Variants in ADGRB3 observed in about 807,000 individuals in gnomAD.
ADGRB3 encodes brain-specific angiogenesis inhibitor 3.
In ADGRB3, 37 loss-of-function variants were observed where a neutral mutation model predicts 193.4. The observed-to-expected ratio is 0.19, with a 90% CI of 0.15 to 0.25. The LOEUF (loss-of-function observed/expected upper bound fraction) is 0.25, where lower values mean the gene tolerates loss of function less well. Among genes scored for constraint, ADGRB3 ranks in the 10% least tolerant of loss-of-function variants. The probability of loss-of-function intolerance (pLI) is 1.00; values close to 1 mark genes in which losing one functional copy is unlikely to be tolerated. For missense variants in ADGRB3, 1,637 were observed against 1,852.9 expected (o/e 0.88, Z 2.14); for synonymous variants, 690 against 644.2 (o/e 1.07, Z -1.08).
At chr6:68,688,662 C>T (rs1432273771) in intron 3 of ADGRB3, among the ~76,000 whole-genome samples, 1 of 152,098 alleles carries the variant, frequency 6.6e-6, no homozygotes, top group Non-Finnish European at 1.5e-5. Flanking sequence ...GTAAATTTTA[C>T]AAAAATGAAT....
At position 69,388,708 on chromosome 6, in the gene ADGRB3, C is replaced by G. The variant is rs1359766044; in HGVS notation, c.4386C>G (p.Asn1462Lys). 1 of 1,612,294 alleles carries G rather than the reference C, an allele frequency of 6.2e-7. No individual in the cohort carries two copies. Among genetic ancestry groups the G allele is most frequent in the Non-Finnish European group, 8.5e-7 (1 of 1,179,156 alleles). ...TTTCCCTCTCTTCTCAACAGGAAAA[C>G]CCCGCACCAAACAAGAATCCATGGG... ...RDIPNTSSME[N>K]PAPNKNPWDT... Residue 1462 changes from asparagine (N) to lysine (K), a missense_variant, in exon 32 of 32, where the codon AAC becomes AAG. This residue lies in a region of ADGRB3 where 368 missense variants were observed against 367.4 expected (regional missense o/e 1.00). Transcript: ENST00000370598.
At chr6:68,911,879 G>GTT (rs543460047) in intron 3 of ADGRB3, among the ~76,000 whole-genome samples, 4 of 129,718 alleles carry the variant, frequency 3.1e-5, no homozygotes, top group Middle Eastern at 3.7e-3. Flanking sequence ...AGTTGTTTCT[G>GTT]TTTTTTTTTT....
intron 17 of ADGRB3, among the ~76,000 whole-genome samples, chr6:69,219,461 G>GTATATATATATATATATATATATATA (rs3839475): frequency 3.3e-4 from 33 of 98,954 alleles, no homozygotes; most frequent in Non-Finnish European, 5.8e-4. Context: ...ACACACACAC[G>GTATATATATATATATATATATATATA]TATATATATA....
chr6:68,663,148 T>C (rs1238737068), intron 3 of ADGRB3, among the ~76,000 whole-genome samples: 2 of 151,374 alleles, frequency 1.3e-5, no homozygotes, highest in Admixed American at 1.3e-4. Flanking sequence ...TTCATTTTCC[T>C]AAAGTTTCAT....
chr6:69,082,920 T>C (rs1772428617), intron 17 of ADGRB3, among the ~76,000 whole-genome samples: 1 of 152,202 alleles, frequency 6.6e-6, no homozygotes, highest in South Asian at 2.1e-4. Flanking sequence ...CGTATTTGCC[T>C]CTGCTTATTA....
intron 3 of ADGRB3, among the ~76,000 whole-genome samples, chr6:68,677,100 A>G (rs1337144000): frequency 6.6e-6 from 1 of 152,198 alleles, no homozygotes; most frequent in Admixed American, 6.5e-5. Flanking sequence ...TAAGGATTCC[A>G]TACATTACTA....
chr6:69,122,049 CG>C (rs1002039820), intron 17 of ADGRB3, among the ~76,000 whole-genome samples: 2 of 141,744 alleles, frequency 1.4e-5, no homozygotes, highest in Admixed American at 1.4e-4. Flanking sequence ...ACTTCCCAGA[CG>C]GGGTGGTGGC....
At chr6:69,065,760 TATATACAC>T (rs1412993467) in intron 16 of ADGRB3, among the ~76,000 whole-genome samples, 21 of 118,112 alleles carry the variant, frequency 1.8e-4, no homozygotes, top group Non-Finnish European at 2.4e-4. Context: ...TTCATGTATA[TATATACAC>T]ACACACACAC....
chr6:68,925,983 GATA>G (rs1437586769), intron 3 of ADGRB3, among the ~76,000 whole-genome samples: 3 of 151,910 alleles, frequency 2.0e-5, no homozygotes, highest in Non-Finnish European at 4.4e-5. Flanking sequence ...AATATTTATG[GATA>G]ATAACCTTAT....
intron 3 of ADGRB3, among the ~76,000 whole-genome samples, chr6:68,849,963 C>G (rs1768363956): frequency 6.8e-6 from 1 of 148,026 alleles, no homozygotes; most frequent in African/African-American, 2.4e-5. Flanking sequence ...TCAATTTTAA[C>G]TTTATTGGAT....
intron 13 of ADGRB3, among the ~76,000 whole-genome samples, chr6:69,031,048 TCTC>T (rs1562128887): frequency 5.5e-4 from 7 of 12,836 alleles, no homozygotes; most frequent in African/African-American, 9.0e-4. Flanking sequence ...TCTCTTCTCT[TCTC>T]TTCTCTTCTC....
chr6:69,030,003 C>CAT (rs1554247946), intron 13 of ADGRB3, among the ~76,000 whole-genome samples: 53 of 147,926 alleles, frequency 3.6e-4, no homozygotes, highest in Admixed American at 3.0e-3. Context: ...CACACACACA[C>CAT]ATATATATAT....
At chr6:68,879,474 C>T (rs368409129) in intron 3 of ADGRB3, among the ~76,000 whole-genome samples, 100 of 152,048 alleles carry the variant, frequency 6.6e-4, no homozygotes, top group African/African-American at 2.3e-3. Flanking sequence ...GTGATCCGCC[C>T]ACCTCGGCCT....
At chr6:69,141,176 T>C (rs916539564) in intron 17 of ADGRB3, among the ~76,000 whole-genome samples, 17 of 147,348 alleles carry the variant, frequency 1.2e-4, no homozygotes, top group Non-Finnish European at 2.2e-4. Context: ...CAGGCTGGAG[T>C]GCAGTGGCGC....
At chr6:69,189,872 T>C (rs1765150763) in intron 17 of ADGRB3, among the ~76,000 whole-genome samples, 1 of 152,138 alleles carries the variant, frequency 6.6e-6, no homozygotes, top group Non-Finnish European at 1.5e-5. Context: ...TTGTGGTCAA[T>C]GATGGACTAC....
At position 69,186,808 on chromosome 6, in the gene ADGRB3, A is replaced by ATG. The variant is rs770446694; in HGVS notation, c.2481-46471_2481-46470dup. On this transcript the variant is annotated intron_variant, in intron 17 of 31. Coordinates refer to ENST00000370598, the MANE Select transcript of ADGRB3 (RefSeq NM_001704.3). ...AATGTGTGTCTGAATTTGTGTGTAT[A>ATG]TGTGTGTGTGTGCGCATACATTTTT... 6.7e-4 allele frequency among the ~76,000 whole-genome samples: 102 copies of ATG among 151,948 alleles called. 1 individual carries two copies. The East Asian group carries it at 0.017, about 26-fold the overall frequency.
chr6:69,024,002 T>C (rs993358087), intron 13 of ADGRB3, among the ~76,000 whole-genome samples: 41 of 152,146 alleles, frequency 2.7e-4, no homozygotes, highest in African/African-American at 9.4e-4. Context: ...AAAAATAAAA[T>C]GAGAACTTGG....
In ADGRB3 at chr6:68,956,008, T is replaced by C; in HGVS notation, c.1196-16T>C. ...TGGAAGATATCCTCATGCTGTCTCT[T>C]TTTCTGCTTTGGTAGTTGATGGACA... On this transcript the variant is annotated splice_polypyrimidine_tract_variant and intron_variant, in intron 6 of 31. Coordinates refer to ENST00000370598, the MANE Select transcript of ADGRB3 (RefSeq NM_001704.3). 1.9e-6 allele frequency: 3 copies of C among 1,610,264 alleles called. No homozygotes were observed. Among genetic ancestry groups the C allele is most frequent in the Non-Finnish European group, 2.5e-6 (3 of 1,178,280 alleles).
intron 17 of ADGRB3, among the ~76,000 whole-genome samples, chr6:69,228,243 C>G (rs1766060704): frequency 6.6e-6 from 1 of 152,188 alleles, no homozygotes; most frequent in African/African-American, 2.4e-5. Flanking sequence ...GACAACAGAG[C>G]AAGACTCCAT....
Sources: allele counts gnomAD v4.1 joint callset (sites outside exome capture counted in the v4.1 genomes callset), GRCh38; gene constraint gnomAD v4.1.1; regional missense constraint gnomAD v4.1.1; transcripts MANE v1.5; gene names NCBI Gene and HGNC (gene_info 2026-07-23, HGNC 2026-07-21).